METAP1: variants seen among roughly 807,000 people sequenced by gnomAD.
METAP1 encodes the protein methionyl aminopeptidase 1, also known as methionine aminopeptidase 1.
A neutral mutation model predicts 53.8 loss-of-function variants in METAP1; 28 were observed. The ratio of observed to expected loss-of-function variants is 0.52; its 90% confidence interval spans 0.39 to 0.71. The LOEUF (loss-of-function observed/expected upper bound fraction) is 0.71, where lower values mean the gene tolerates loss of function less well. Ranked by LOEUF, METAP1 falls within the 30% of genes least tolerant of loss-of-function variation. The pLI is 0.00. For missense variants in METAP1, 389 were observed against 479.8 expected (o/e 0.81, Z 1.77); for synonymous variants, 181 against 165.7 (o/e 1.09, Z -0.71).
intron 1 of METAP1, among the ~76,000 whole-genome samples, chr4:99,017,553 C>G (rs970193524): frequency 6.6e-6 from 1 of 152,204 alleles, no homozygotes; most frequent in Admixed American, 6.5e-5. Context: ...ATAATTAAAT[C>G]TAGATACAAA....
intron 1 of METAP1, chr4:99,026,712 G>C: frequency 4.1e-6 from 4 of 985,390 alleles, no homozygotes; most frequent in Non-Finnish European, 4.8e-6. Context: ...GGAAGAAAAA[G>C]AGTGAAGTTG....
At chr4:99,037,596 C>G (rs1487203835) in intron 4 of METAP1, among the ~76,000 whole-genome samples, 1 of 151,842 alleles carries the variant, frequency 6.6e-6, no homozygotes, top group Non-Finnish European at 1.5e-5. Flanking sequence ...GAAGTGCAAC[C>G]TATATTGTTG....
rs1343352997 is a variant in METAP1 at position 99,061,338 on chromosome 4, C to T, written c.*21C>T. The T allele has an allele frequency of 2.5e-6, 4 of 1,599,790 alleles. No individual in the cohort carries two copies. Among genetic ancestry groups the T allele is most frequent in the Admixed American group, 3.4e-5 (2 of 59,030 alleles). ...TTTAATTTCTCCCAAGATGGCACAT[C>T]TCAGTACCTTCTTACTGTGCTATGC... is the stretch of plus-strand genomic sequence containing the variant. On this transcript the variant is annotated 3_prime_UTR_variant, in exon 11 of 11. Transcript: ENST00000296411.
chr4:99,045,893 A>G (rs1011880392), intron 8 of METAP1, among the ~76,000 whole-genome samples: 4 of 152,228 alleles, frequency 2.6e-5, no homozygotes, highest in Admixed American at 2.6e-4. Context: ...TAGCATATAT[A>G]CCTACAGACA....
At chr4:99,023,433 A>T (rs527800228) in intron 1 of METAP1, 72 of 920,186 alleles carry the variant, frequency 7.8e-5, no homozygotes, top group Non-Finnish European at 8.7e-5. Context: ...TTATATCTTG[A>T]TACATACAAA....
chr4:99,025,660 G>A (rs1724510792), intron 1 of METAP1, among the ~76,000 whole-genome samples: 1 of 152,162 alleles, frequency 6.6e-6, no homozygotes, highest in African/African-American at 2.4e-5. Context: ...CCATCTGAAT[G>A]GACTCTCCCT....
chr4:99,029,735 AT>A (rs374010436), intron 2 of METAP1, among the ~76,000 whole-genome samples: 37 of 148,320 alleles, frequency 2.5e-4, no homozygotes, highest in African/African-American at 5.4e-4. Flanking sequence ...CTACTTGTGT[AT>A]TTTTTTTTTA....
At chr4:99,023,510 C>T in intron 1 of METAP1, 14 of 985,420 alleles carry the variant, frequency 1.4e-5, no homozygotes, top group Non-Finnish European at 1.7e-5. Flanking sequence ...TATTTGCTCA[C>T]ACTCTCATCA....
intron 2 of METAP1, among the ~76,000 whole-genome samples, chr4:99,030,396 A>G (rs1450254829): frequency 1.3e-5 from 2 of 152,168 alleles, no homozygotes; most frequent in African/African-American, 4.8e-5. Context: ...ATTTTTACTT[A>G]CACCTCTAGT....
At chr4:99,017,345 G>A (rs918521604) in intron 1 of METAP1, among the ~76,000 whole-genome samples, 7 of 152,230 alleles carry the variant, frequency 4.6e-5, no homozygotes, top group Non-Finnish European at 7.3e-5. Flanking sequence ...GGGCCTGACT[G>A]AGAGCAAATA....
At chr4:99,048,663 T>C in intron 8 of METAP1, 70 bp from the exon 9 acceptor site, 1 of 1,501,358 alleles carries the variant, frequency 6.7e-7, no homozygotes, top group Non-Finnish European at 9.2e-7. Flanking sequence ...AGCCACTGCA[T>C]CTGGTTGATA....
chr4:99,028,442 G>A (rs1724740791), intron 1 of METAP1, among the ~76,000 whole-genome samples: 1 of 152,020 alleles, frequency 6.6e-6, no homozygotes, highest in African/African-American at 2.4e-5. Flanking sequence ...GTGTCACATA[G>A]TAACTACTTA....
In METAP1 at chr4:99,034,258, T is replaced by C; in HGVS notation, c.195T>C (p.Ser65=). 1 of 1,550,624 alleles carries C rather than the reference T, an allele frequency of 6.4e-7. No homozygotes were observed. The highest frequency in any genetic ancestry group is 8.7e-7 in the Non-Finnish European group (1 of 1,145,958). ...ATGAAAAGGCGAAGCGAGAAGTGTC[T>C]TCCTGGACTGTGGAAGGTGATATTA... is the stretch of plus-strand genomic sequence containing the variant. ...AKDEKAKREV[S]SWTVEGDINT... The change falls in exon 3 of 11, where the codon TCT becomes TCC. Residue 65 remains serine (S), a synonymous_variant. Coordinates refer to ENST00000296411, the MANE Select transcript of METAP1 (RefSeq NM_015143.3).
intron 4 of METAP1, among the ~76,000 whole-genome samples, chr4:99,036,281 CAT>C (rs922206370): frequency 2.0e-5 from 3 of 151,978 alleles, no homozygotes; most frequent in African/African-American, 7.3e-5. Flanking sequence ...TTATGAATAT[CAT>C]TTTTAAATTT....
chr4:99,019,586 C>T (rs1192117292), intron 1 of METAP1, among the ~76,000 whole-genome samples: 4 of 152,174 alleles, frequency 2.6e-5, no homozygotes, highest in Non-Finnish European at 5.9e-5. Flanking sequence ...ACCCCTGCCT[C>T]TCTGTGAGAT....
chr4:99,025,268 G>T, intron 1 of METAP1: 1 of 671,976 alleles, frequency 1.5e-6, no homozygotes, highest in Non-Finnish European at 1.8e-6. Flanking sequence ...CTATGCCTAG[G>T]AATGAACAAG....
intron 8 of METAP1, among the ~76,000 whole-genome samples, chr4:99,046,932 G>GAA (rs1553946553): frequency 8.7e-4 from 13 of 14,886 alleles, no homozygotes; most frequent in African/African-American, 2.4e-3. Context: ...ATCAACTGAA[G>GAA]AAACAAAAAA....
intron 10 of METAP1, among the ~76,000 whole-genome samples, chr4:99,058,991 G>A (rs1369173832): frequency 3.9e-5 from 6 of 152,198 alleles, no homozygotes; most frequent in Admixed American, 2.0e-4. Context: ...TTCTGATCAC[G>A]TGCAACCAGT....
intron 2 of METAP1, 52 bp from the exon 3 acceptor site, chr4:99,034,178 T>G (rs1255016068): frequency 1.8e-6 from 2 of 1,108,286 alleles, no homozygotes; most frequent in Non-Finnish European, 2.7e-6. Flanking sequence ...ACTGAAACAT[T>G]CCTTTCCCTC....
Sources: gnomAD v4.1 joint callset for allele counts (sites outside exome capture counted in the v4.1 genomes callset) on GRCh38, gnomAD v4.1.1 for gene constraint, MANE v1.5 for transcripts, NCBI Gene and HGNC (gene_info 2026-07-23, HGNC 2026-07-21) for gene names.